The following SNAP91 variants were observed in gnomAD, a reference collection of about 807,000 sequenced individuals.
The protein encoded by SNAP91 is clathrin coat assembly protein AP180.
Under a neutral mutation model 100.3 loss-of-function variants are expected in SNAP91, and 27 were observed. The observed-to-expected ratio is 0.27, with a 90% CI of 0.20 to 0.37. The LOEUF (loss-of-function observed/expected upper bound fraction) is 0.37. Ranked by LOEUF, SNAP91 falls within the 10% of genes least tolerant of loss-of-function variation. The probability of loss-of-function intolerance (pLI) is 1.00; values close to 1 mark genes in which losing one functional copy is unlikely to be tolerated. For synonymous variants in SNAP91, 404 were observed against 398.6 expected (o/e 1.01, Z -0.16); for missense variants, 986 against 1,123.7 (o/e 0.88, Z 1.75).
At chr6:83,584,412 GAA>G (rs1422999745) in intron 22 of SNAP91, among the ~76,000 whole-genome samples, 19 of 151,876 alleles carry the variant, frequency 1.3e-4, no homozygotes, top group Non-Finnish European at 1.0e-4. Context: ...GTAAAAAGAG[GAA>G]AAAGAGTGCA....
intron 11 of SNAP91, 52 bp downstream of exon 11, chr6:83,614,805 T>C: frequency 7.1e-7 from 1 of 1,412,626 alleles, no homozygotes. Flanking sequence ...GAGTGTTTTT[T>C]GCATTTTTAG....
Position 83,605,731 on chromosome 6 carries a change from T to C in SNAP91, c.1095A>G (p.Ala365=). Residue 365 remains alanine (A), a synonymous_variant, in exon 14 of 30, where the codon GCA becomes GCG. Coordinates refer to ENST00000369694, the MANE Select transcript of SNAP91 (RefSeq NM_001242792.2). The part of the protein sequence containing the change: ...DFSSGGAAAA[A]APAPPPPAGG... ...CAGCAGGTGGTGGTGGTGCTGGTGC[T>C]GCGGCTGCTGCTGCCCCTCCAGAGG... The C allele has an allele frequency of 6.4e-7, 1 of 1,552,762 alleles. No individual in the cohort carries two copies. The highest frequency in any genetic ancestry group is 8.7e-7 in the Non-Finnish European group (1 of 1,147,622).
intron 2 of SNAP91, among the ~76,000 whole-genome samples, chr6:83,680,207 C>T (rs2098969156): frequency 6.6e-6 from 1 of 152,118 alleles, no homozygotes; most frequent in South Asian, 2.1e-4. Context: ...ACCTATACCA[C>T]TATTTGTACC....
At chr6:83,681,476 T>G (rs944161223) in intron 2 of SNAP91, among the ~76,000 whole-genome samples, 10 of 152,128 alleles carry the variant, frequency 6.6e-5, no homozygotes, top group African/African-American at 2.4e-4. Flanking sequence ...TTCATTTGTT[T>G]AGATCCTCAA....
At chr6:83,617,220 C>T (rs1296205429) in intron 9 of SNAP91, among the ~76,000 whole-genome samples, 181 bp from the exon 10 acceptor site, 2 of 151,764 alleles carry the variant, frequency 1.3e-5, no homozygotes, top group African/African-American at 4.8e-5. Flanking sequence ...TCAGACAGAC[C>T]CATCTTAAAT....
rs528130542 is a variant in SNAP91, at chr6:83,579,613, G to A, written c.2299+837C>T. 5.3e-5 allele frequency among the ~76,000 whole-genome samples: 8 copies of A among 152,210 alleles called. No individual in the cohort carries two copies. In the East Asian group the frequency reaches 1.4e-3, roughly 26 times the overall value. On this transcript the variant is annotated intron_variant, in intron 24 of 29. Transcript: ENST00000369694. ...AAATTCAGAATTAAGAGCAAAGGTCGATCTTTGTAATAGCTGCCCTCCTCC... is the reference window on the plus strand; with the variant it reads ...AAATTCAGAATTAAGAGCAAAGGTCAATCTTTGTAATAGCTGCCCTCCTCC...
chr6:83,625,096 T>G (rs181823574), intron 8 of SNAP91, among the ~76,000 whole-genome samples: 1 of 152,054 alleles, frequency 6.6e-6, no homozygotes, highest in African/African-American at 2.4e-5. Flanking sequence ...TCTGCATGTG[T>G]GTACCCAAGA....
intron 8 of SNAP91, among the ~76,000 whole-genome samples, chr6:83,637,699 T>C (rs1215528925): frequency 6.6e-6 from 1 of 152,198 alleles, no homozygotes; most frequent in Non-Finnish European, 1.5e-5. Flanking sequence ...AGATGGGTCT[T>C]GTGAAGGGAG....
intron 12 of SNAP91, 22 bp downstream of exon 12, chr6:83,610,628 C>A: frequency 3.4e-6 from 2 of 589,662 alleles, no homozygotes; most frequent in Admixed American, 2.3e-5. Context: ...ACAAAAACCC[C>A]CAAACAAAAA....
intron 6 of SNAP91, 23 bp downstream of exon 6, chr6:83,658,976 A>C: frequency 6.5e-7 from 1 of 1,529,924 alleles, no homozygotes; most frequent in Non-Finnish European, 8.9e-7. Flanking sequence ...TGTGTATGAA[A>C]CATTTTCTAG....
chr6:83,661,669 T>TTGA, intron 4 of SNAP91, 65 bp from the exon 5 acceptor site: 6 of 891,484 alleles, frequency 6.7e-6, no homozygotes, highest in Non-Finnish European at 1.0e-5. Flanking sequence ...CTTTGCATAG[T>TTGA]ACTATTTTTT....
intron 18 of SNAP91, 38 bp from the exon 19 acceptor site, chr6:83,593,297 A>G (rs753356649): frequency 4.5e-6 from 7 of 1,557,194 alleles, no homozygotes; most frequent in African/African-American, 1.4e-5. Context: ...CTCAACTTGA[A>G]CAATAAGCCT....
At chr6:83,694,395 G>A (rs970081043) in intron 2 of SNAP91, among the ~76,000 whole-genome samples, 1 of 152,170 alleles carries the variant, frequency 6.6e-6, no homozygotes, top group African/African-American at 2.4e-5. Flanking sequence ...CTAGAAAGGA[G>A]GAGCCATCCA....
chr6:83,573,422 G>A (rs1812112722), intron 26 of SNAP91, among the ~76,000 whole-genome samples: 1 of 152,126 alleles, frequency 6.6e-6, no homozygotes, highest in Non-Finnish European at 1.5e-5. Flanking sequence ...AGCTACCAAT[G>A]ACTTTCTTCA....
intron 26 of SNAP91, among the ~76,000 whole-genome samples, chr6:83,573,592 A>T (rs1012492487): frequency 9.2e-5 from 14 of 152,230 alleles, no homozygotes; most frequent in African/African-American, 3.4e-4. Flanking sequence ...TGGTACTGGT[A>T]CCAAAACAGA....
At chr6:83,657,976 C>T (rs2098448867) in intron 6 of SNAP91, among the ~76,000 whole-genome samples, 1 of 131,458 alleles carries the variant, frequency 7.6e-6, no homozygotes, top group Non-Finnish European at 1.6e-5. Context: ...GACAGAGTTT[C>T]ACCATGTTGG....
At chr6:83,637,046 A>C (rs1393245409) in intron 8 of SNAP91, among the ~76,000 whole-genome samples, 1 of 152,154 alleles carries the variant, frequency 6.6e-6, no homozygotes, top group Non-Finnish European at 1.5e-5. Flanking sequence ...AGTCTCGTAG[A>C]CAGCTCTTCA....
chr6:83,601,150 T>C (rs1351548575), intron 16 of SNAP91, 121 bp downstream of exon 16: 8 of 779,900 alleles, frequency 1.0e-5, no homozygotes, highest in Admixed American at 5.7e-5. Context: ...TGAATAAACA[T>C]TGAAAAAGTA....
intron 2 of SNAP91, among the ~76,000 whole-genome samples, chr6:83,683,952 C>T (rs914230802): frequency 3.9e-5 from 6 of 152,168 alleles, no homozygotes; most frequent in Non-Finnish European, 1.5e-5. Flanking sequence ...GAACAGTTTC[C>T]CTGCTCTGTG....
Sources: allele counts gnomAD v4.1 joint callset (sites outside exome capture counted in the v4.1 genomes callset), GRCh38; gene constraint gnomAD v4.1.1; transcripts MANE v1.5; gene names NCBI Gene and HGNC (gene_info 2026-07-23, HGNC 2026-07-21).